Variants in CFAP97D2 observed in about 807,000 individuals in gnomAD.
The protein encoded by CFAP97D2 is uncharacterized protein CFAP97D2.
At chr13:114,180,092 GAGGTGGCCTCCCACAGTCTTCTGCCCAC>G (rs1293802048) in intron 1 of CFAP97D2, among the ~76,000 whole-genome samples, 1 of 152,244 alleles carries the variant, frequency 6.6e-6, no homozygotes, top group Non-Finnish European at 1.5e-5. Flanking sequence ...ATGCAGATCT[GAGGTGGCCTCCCACAGTCTTCTGCCCAC>G]ACCTCAGTGG....
At position 114,211,915 on chromosome 13, in the gene CFAP97D2, G is replaced by C; in HGVS notation, c.294G>C (p.Leu98=). ...ATGTGTGTGCTCTTTCGTGGAGTCT[G>C]CACAGGGGGAAGAGAGAACAGGAAC... The change falls in exon 4 of 5, where the codon CTG becomes CTC. Residue 98 remains leucine (L), a synonymous_variant. Transcript: ENST00000646158. The surrounding 1 kb of genome is among the most constrained non-coding windows in gnomAD (Gnocchi z 4.2). 2.5e-6 allele frequency: 1 copy of C among 398,734 alleles called. No individual in the cohort carries two copies. The highest frequency in any genetic ancestry group is 3.6e-5 in the East Asian group (1 of 28,080). The allele number at this position is 398,734 out of a possible 1,614,324, so 24.7% of individuals were successfully genotyped here.
Position 114,189,098 on chromosome 13 carries a change from TTAG to T in CFAP97D2, c.91-7295_91-7293del, listed in dbSNP as rs1029977039. Among the ~76,000 whole-genome samples the T allele has an allele frequency of 6.7e-6, 1 of 149,426 alleles. No individual in the cohort carries two copies. The highest frequency in any genetic ancestry group is 2.4e-5 in the African/African-American group (1 of 41,008). On this transcript the variant is annotated intron_variant, in intron 1 of 4. Coordinates refer to ENST00000646158, the Ensembl canonical transcript of CFAP97D2. This position sits in a 1 kb window ranked among gnomAD's most constrained non-coding sequence, Gnocchi z 4.5. ...ATAACTATGTTATAATATAACTATATTAGTAATAATATTACTAATATTAAAAAG... is the reference window on the plus strand; with the variant it reads ...ATAACTATGTTATAATATAACTATATTAATAATATTACTAATATTAAAAAG...
At chr13:114,214,812 A>G (rs2080986334) in intron 4 of CFAP97D2, among the ~76,000 whole-genome samples, 1 of 152,174 alleles carries the variant, frequency 6.6e-6, no homozygotes, top group African/African-American at 2.4e-5. Flanking sequence ...TAAATTGCTC[A>G]TTTCACTCAA....
At chr13:114,184,142 C>A (rs1218637507) in intron 1 of CFAP97D2, among the ~76,000 whole-genome samples, 1 of 152,128 alleles carries the variant, frequency 6.6e-6, no homozygotes, top group Non-Finnish European at 1.5e-5. Flanking sequence ...CAAAATGAGA[C>A]CCTGTCTCAG....
At position 114,203,038 on chromosome 13, in the gene CFAP97D2, G is replaced by A. The variant is rs1316294942; in HGVS notation, c.290+2595G>A. Among the ~76,000 whole-genome samples, 1 of 151,976 alleles carries A rather than the reference G, an allele frequency of 6.6e-6. No individual in the cohort carries two copies. The highest frequency in any genetic ancestry group is 1.5e-5 in the Non-Finnish European group (1 of 67,938). Reference sequence around the variant, plus strand: ...ACAGCTCCCATTCTCTTCCCAAAGGGATGGTTTAATTTGCAACAGAATTTA... The same window carrying A: ...ACAGCTCCCATTCTCTTCCCAAAGGAATGGTTTAATTTGCAACAGAATTTA... On this transcript the variant is annotated intron_variant, in intron 3 of 4. Coordinates refer to ENST00000646158, the Ensembl canonical transcript of CFAP97D2. This position sits in a 1 kb window ranked among gnomAD's most constrained non-coding sequence, Gnocchi z 4.3.
chr13:114,184,618 T>C (rs2080848749), intron 1 of CFAP97D2, among the ~76,000 whole-genome samples: 1 of 151,984 alleles, frequency 6.6e-6, no homozygotes, highest in Admixed American at 6.6e-5. Flanking sequence ...GACCCTAGAA[T>C]TCTGTACCCT....
At chr13:114,218,530 G>A (rs141926299) in intron 4 of CFAP97D2, among the ~76,000 whole-genome samples, 9,921 of 152,048 alleles carry the variant, frequency 0.065, 554 homozygotes, top group African/African-American at 0.13. Context: ...AAACTACTTT[G>A]AAGTTCATAT....
chr13:114,200,179 CG>C, intron 2 of CFAP97D2, 145 bp from the exon 3 acceptor site: 2 of 391,306 alleles, frequency 5.1e-6, no homozygotes, highest in Non-Finnish European at 9.0e-6. Flanking sequence ...CCTGTGTGTT[CG>C]GTCCCCGCTG....
intron 3 of CFAP97D2, among the ~76,000 whole-genome samples, chr13:114,206,881 A>G (rs543373729): frequency 6.6e-6 from 1 of 152,358 alleles, no homozygotes; most frequent in African/African-American, 2.4e-5. Flanking sequence ...GCAAATGGCA[A>G]GGGACCAGGG....
intron 1 of CFAP97D2, among the ~76,000 whole-genome samples, chr13:114,182,138 G>A (rs977414582): frequency 6.8e-5 from 10 of 146,714 alleles, no homozygotes; most frequent in East Asian, 2.0e-4. Context: ...TAGTAGGAGA[G>A]CAGGGTGATA....
chr13:114,196,754 C>T (rs1395000850), intron 2 of CFAP97D2, among the ~76,000 whole-genome samples: 4 of 152,164 alleles, frequency 2.6e-5, no homozygotes, highest in African/African-American at 9.7e-5. Flanking sequence ...TAAGGATCTG[C>T]CCGTGACACA....
At chr13:114,208,678 C>T (rs1160904159) in intron 3 of CFAP97D2, among the ~76,000 whole-genome samples, 2 of 152,172 alleles carry the variant, frequency 1.3e-5, no homozygotes, top group African/African-American at 4.8e-5. Context: ...CAGCTAAAAA[C>T]TGGTGAAAAT....
At position 114,179,694 on chromosome 13, in the gene CFAP97D2, A is replaced by G. The variant is rs372094385; in HGVS notation, c.90+274A>G. On this transcript the variant is annotated intron_variant, in intron 1 of 4. Coordinates refer to ENST00000646158, the Ensembl canonical transcript of CFAP97D2. This position sits in a 1 kb window ranked among gnomAD's most constrained non-coding sequence, Gnocchi z 4.8. Reference sequence around the variant, plus strand: ...GGGCCATCCTATTTCTAATCACAGCATATATTTAAGAAGTACTTAATTTTT... The same window carrying G: ...GGGCCATCCTATTTCTAATCACAGCGTATATTTAAGAAGTACTTAATTTTT... Among the ~76,000 whole-genome samples, 25 of 151,956 alleles carry G rather than the reference A, an allele frequency of 1.6e-4. 1 individual carries two copies. The highest frequency in any genetic ancestry group is 5.6e-4 in the African/African-American group (23 of 41,440).
At chr13:114,182,401 C>T (rs1294242142) in intron 1 of CFAP97D2, among the ~76,000 whole-genome samples, 1 of 152,058 alleles carries the variant, frequency 6.6e-6, no homozygotes. Flanking sequence ...ATTCAGTTCC[C>T]AGGGGCAGGC....
chr13:114,215,664 A>T (rs967230797), intron 4 of CFAP97D2: 12 of 152,202 alleles, frequency 7.9e-5, no homozygotes, highest in African/African-American at 2.9e-4. Context: ...ACAATGTCAA[A>T]AACTCTATTC....
At chr13:114,197,871 G>A (rs1265857410) in intron 2 of CFAP97D2, among the ~76,000 whole-genome samples, 1 of 148,158 alleles carries the variant, frequency 6.7e-6, no homozygotes, top group Non-Finnish European at 1.5e-5. Context: ...TTTTAGTAGT[G>A]ATGGGGTTTC....
At chr13:114,209,451 G>A (rs756919101) in intron 3 of CFAP97D2, among the ~76,000 whole-genome samples, 6 of 152,228 alleles carry the variant, frequency 3.9e-5, no homozygotes, top group Non-Finnish European at 7.3e-5. Context: ...TTTCTCCTCC[G>A]TGTCTCAGGG....
intron 3 of CFAP97D2, among the ~76,000 whole-genome samples, chr13:114,200,835 T>G (rs2138770087): frequency 6.6e-6 from 1 of 152,276 alleles, no homozygotes; most frequent in African/African-American, 2.4e-5. Context: ...AGGTTGCAGT[T>G]CGGCGGCGGA....
intron 4 of CFAP97D2, among the ~76,000 whole-genome samples, chr13:114,218,825 T>C (rs1356710735): frequency 2.0e-5 from 3 of 152,220 alleles, no homozygotes; most frequent in African/African-American, 7.2e-5. Flanking sequence ...GCTAGCCACA[T>C]GTAGAAAGCT....
Sources: allele counts gnomAD v4.1 joint callset (sites outside exome capture counted in the v4.1 genomes callset), GRCh38; gene constraint gnomAD v4.1.1; non-coding constraint Gnocchi (gnomAD v3.1); transcripts MANE v1.5; gene names NCBI Gene and HGNC (gene_info 2026-07-23, HGNC 2026-07-21).